KIRREL3: variants seen among roughly 807,000 people sequenced by gnomAD.
The protein encoded by KIRREL3 is kirre like nephrin family adhesion molecule 3, also known as kin of IRRE-like protein 3.
Under a neutral mutation model 89.7 loss-of-function variants are expected in KIRREL3, and 36 were observed. That is an observed-to-expected ratio of 0.40 (90% confidence interval 0.31 to 0.53). The LOEUF (loss-of-function observed/expected upper bound fraction) is 0.53, where lower values mean the gene tolerates loss of function less well. Among genes scored for constraint, KIRREL3 ranks in the 20% least tolerant of loss-of-function variants. The pLI is 0.49. For missense variants in KIRREL3, 864 were observed against 1,056.6 expected, an observed-to-expected ratio of 0.82 and a Z score of 2.53; for synonymous variants, 445 against 441.4, an observed-to-expected ratio of 1.01 and a Z score of -0.10.
Position 126,981,746 on chromosome 11 carries a change from C to G in KIRREL3, c.55+18709G>C, listed in dbSNP as rs572838641. ...TTGGTGCCTGGGGAACTGGGGAAGG[C>G]CCCCGTTTCTACCAAAGAGGGCCTC... On this transcript the variant is annotated intron_variant, in intron 1 of 16. Transcript: ENST00000525144. This position sits in a 1 kb window ranked among gnomAD's most constrained non-coding sequence, Gnocchi z 4.2. Among the ~76,000 whole-genome samples the G allele has an allele frequency of 6.6e-6, 1 of 152,090 alleles. No homozygotes were observed. The highest frequency in any genetic ancestry group is 1.5e-5 in the Non-Finnish European group (1 of 68,014).
At chr11:126,968,231 T>C (rs1168383012) in intron 1 of KIRREL3, among the ~76,000 whole-genome samples, 1 of 152,182 alleles carries the variant, frequency 6.6e-6, no homozygotes, top group Non-Finnish European at 1.5e-5. Flanking sequence ...TTTTTTTAAT[T>C]AACAGATATA....
intron 1 of KIRREL3, among the ~76,000 whole-genome samples, chr11:126,866,759 C>G (rs1247467373): frequency 6.6e-6 from 1 of 152,182 alleles, no homozygotes; most frequent in African/African-American, 2.4e-5. Flanking sequence ...AACGGCAGGA[C>G]GAGAATGACG....
intron 1 of KIRREL3, among the ~76,000 whole-genome samples, chr11:126,660,254 C>G (rs1476247652): frequency 6.6e-6 from 1 of 152,192 alleles, no homozygotes; most frequent in Non-Finnish European, 1.5e-5. Context: ...ACTCTATTTT[C>G]TGGCTTCTCT....
intron 2 of KIRREL3, among the ~76,000 whole-genome samples, chr11:126,538,625 G>T (rs1312927218): frequency 2.0e-5 from 3 of 152,128 alleles, no homozygotes; most frequent in African/African-American, 7.2e-5. Flanking sequence ...CAGGATTGGG[G>T]GTGATAGAGT....
In KIRREL3 at chr11:126,924,943, G is replaced by A. The variant is rs1008550088; in HGVS notation, c.55+75512C>T. 2.7e-5 allele frequency among the ~76,000 whole-genome samples: 4 copies of A among 150,136 alleles called. No individual in the cohort carries two copies. Among genetic ancestry groups the A allele is most frequent in the African/African-American group, 7.4e-5 (3 of 40,504 alleles). On this transcript the variant is annotated intron_variant, in intron 1 of 16. Coordinates refer to ENST00000525144, the MANE Select transcript of KIRREL3 (RefSeq NM_032531.4). This position sits in a 1 kb window ranked among gnomAD's most constrained non-coding sequence, Gnocchi z 4.7. ...TGTACATGCTTATGTGTGTGTGTGT[G>A]TGTTGCAGTGGAGGAGGTTGGGATA...
At chr11:126,731,895 ACG>A (rs1948630908) in intron 1 of KIRREL3, among the ~76,000 whole-genome samples, 2 of 152,264 alleles carry the variant, frequency 1.3e-5, no homozygotes, top group African/African-American at 4.8e-5. Flanking sequence ...TAAAAGAAAG[ACG>A]CTGGAAATAG....
chr11:126,806,927 G>A (rs952255075), intron 1 of KIRREL3, among the ~76,000 whole-genome samples: 2 of 152,014 alleles, frequency 1.3e-5, no homozygotes, highest in African/African-American at 4.8e-5. Context: ...GTGAGAACAT[G>A]TGGTGTTTGG....
chr11:126,665,167 G>T (rs951748781), intron 1 of KIRREL3, among the ~76,000 whole-genome samples: 10 of 152,142 alleles, frequency 6.6e-5, no homozygotes, highest in African/African-American at 1.7e-4. Flanking sequence ...AACAGTCCAT[G>T]TGTGGAAAAA....
rs1267057499 is a variant in KIRREL3 at position 126,551,807 on chromosome 11, G to A, written c.133+11028C>T. Among the ~76,000 whole-genome samples the A allele has an allele frequency of 2.6e-5, 4 of 152,008 alleles. No homozygotes were observed. The highest frequency in any genetic ancestry group is 1.3e-4 in the Admixed American group (2 of 15,276). ...ATTACAGGCATGCGCCACCATGCCC[G>A]ACTAATTTTTGTATTTTTAGTAGAG... On this transcript the variant is annotated intron_variant, in intron 2 of 16. Coordinates refer to ENST00000525144, the MANE Select transcript of KIRREL3 (RefSeq NM_032531.4). The surrounding 1 kb of genome is among the most constrained non-coding windows in gnomAD (Gnocchi z 4.9).
At chr11:126,658,583 C>T (rs1474657263) in intron 1 of KIRREL3, among the ~76,000 whole-genome samples, 1 of 152,152 alleles carries the variant, frequency 6.6e-6, no homozygotes, top group Non-Finnish European at 1.5e-5. Flanking sequence ...ACCTATTGAT[C>T]TTTTATACTT....
Position 126,431,805 on chromosome 11 carries a change from C to T in KIRREL3, c.1589-279G>A, listed in dbSNP as rs572981648. The stretch of plus-strand genomic sequence containing the variant: ...GGAAGGAGAGCGAGGCAGGCAGACA[C>T]GGAGAAGGGAGGGCCAGGGGACAGG... On this transcript the variant is annotated intron_variant, in intron 13 of 16. Coordinates refer to ENST00000525144, the MANE Select transcript of KIRREL3 (RefSeq NM_032531.4). The surrounding 1 kb of genome is among the most constrained non-coding windows in gnomAD (Gnocchi z 7.1). Among the ~76,000 whole-genome samples the T allele has an allele frequency of 1.6e-4, 25 of 151,782 alleles. No individual in the cohort carries two copies. The highest frequency in any genetic ancestry group is 6.8e-3 in the Middle Eastern group (2 of 294).
chr11:126,888,596 C>T (rs4936004), intron 1 of KIRREL3, among the ~76,000 whole-genome samples: 110,956 of 151,742 alleles, frequency 0.73, 41,403 homozygotes, highest in African/African-American at 0.89. Flanking sequence ...TTGCTAAGAC[C>T]CTCACGAGGC....
At position 126,904,370 on chromosome 11, in the gene KIRREL3, G is replaced by A. The variant is rs1412109516; in HGVS notation, c.55+96085C>T. On this transcript the variant is annotated intron_variant, in intron 1 of 16. Transcript: ENST00000525144. The surrounding 1 kb of genome is among the most constrained non-coding windows in gnomAD (Gnocchi z 4.4). Reference sequence around the variant, plus strand: ...ATTTTGCCATTGCTAGTTAAATTGGGTCTTGATGTTTACTGCATCTCTGAC... The same window carrying A: ...ATTTTGCCATTGCTAGTTAAATTGGATCTTGATGTTTACTGCATCTCTGAC... Among the ~76,000 whole-genome samples the A allele has an allele frequency of 6.6e-6, 1 of 152,174 alleles. No homozygotes were observed. The highest frequency in any genetic ancestry group is 1.5e-5 in the Non-Finnish European group (1 of 68,032).
intron 1 of KIRREL3, among the ~76,000 whole-genome samples, chr11:126,980,572 T>G (rs1949693537): frequency 6.6e-6 from 1 of 152,006 alleles, no homozygotes; most frequent in South Asian, 2.1e-4. Context: ...GCTATAATAG[T>G]TTTGGAGAAC....
intron 1 of KIRREL3, among the ~76,000 whole-genome samples, chr11:126,700,510 C>A (rs981089351): frequency 6.6e-5 from 10 of 152,304 alleles, no homozygotes; most frequent in South Asian, 2.1e-4. Context: ...CTTTTAATGG[C>A]AAAACTGCAA....
In KIRREL3 at chr11:126,530,008, T is replaced by C. The variant is rs943620051; in HGVS notation, c.134-3321A>G. On this transcript the variant is annotated intron_variant, in intron 2 of 16. Coordinates refer to ENST00000525144, the MANE Select transcript of KIRREL3 (RefSeq NM_032531.4). The surrounding 1 kb of genome is among the most constrained non-coding windows in gnomAD (Gnocchi z 5.8). ...CTGACAGACCTTAGGGCCTCTCCTT[T>C]GGGCTCAAGAGCCCCTCAGAGCACA... is the stretch of plus-strand genomic sequence containing the variant. 2.0e-5 allele frequency among the ~76,000 whole-genome samples: 3 copies of C among 152,040 alleles called. No homozygotes were observed. Among genetic ancestry groups the C allele is most frequent in the Non-Finnish European group, 4.4e-5 (3 of 68,008 alleles).
rs1043060318 is a variant in KIRREL3, at chr11:126,879,954, T to C, written c.55+120501A>G. Among the ~76,000 whole-genome samples, 1 of 152,188 alleles carries C rather than the reference T, an allele frequency of 6.6e-6. No individual in the cohort carries two copies. On this transcript the variant is annotated intron_variant, in intron 1 of 16. Transcript: ENST00000525144. This position sits in a 1 kb window ranked among gnomAD's most constrained non-coding sequence, Gnocchi z 5.4. The stretch of plus-strand genomic sequence containing the variant: ...GTTATTCAAGAAGGAAGCCATGGTA[T>C]GTACTGGGAAGTCTTGTGCCTATGG...
rs1790669883 is a variant in KIRREL3 at position 126,772,403 on chromosome 11, G to A, written c.56-209491C>T. Among the ~76,000 whole-genome samples the A allele has an allele frequency of 2.0e-5, 3 of 152,176 alleles. No homozygotes were observed. Among genetic ancestry groups the A allele is most frequent in the Admixed American group, 6.5e-5 (1 of 15,276 alleles). On this transcript the variant is annotated intron_variant, in intron 1 of 16. Coordinates refer to ENST00000525144, the MANE Select transcript of KIRREL3 (RefSeq NM_032531.4). This position sits in a 1 kb window ranked among gnomAD's most constrained non-coding sequence, Gnocchi z 4.6. ...GCCAGGCTCAGCGGCACCACGTGGT[G>A]CGGGGATGGCTTATAATTTGAGGGA... is the stretch of plus-strand genomic sequence containing the variant.
chr11:126,555,123 T>C lies in KIRREL3; in HGVS notation c.133+7712A>G, dbSNP rs575576251. Reference sequence around the variant, plus strand: ...TCCTGACACTGGACAAGAAGCTGGGTGCCGAGAGGGCAGGAGCTTGGACAC... The same window carrying C: ...TCCTGACACTGGACAAGAAGCTGGGCGCCGAGAGGGCAGGAGCTTGGACAC... On this transcript the variant is annotated intron_variant, in intron 2 of 16. Coordinates refer to ENST00000525144, the MANE Select transcript of KIRREL3 (RefSeq NM_032531.4). This position sits in a 1 kb window ranked among gnomAD's most constrained non-coding sequence, Gnocchi z 4.2. 1.4e-4 allele frequency among the ~76,000 whole-genome samples: 22 copies of C among 152,278 alleles called. No individual in the cohort carries two copies. Among genetic ancestry groups the C allele is most frequent in the African/African-American group, 5.3e-4 (22 of 41,544 alleles).
Sources: gnomAD v4.1 joint callset for allele counts (sites outside exome capture counted in the v4.1 genomes callset) on GRCh38, gnomAD v4.1.1 for gene constraint, Gnocchi (gnomAD v3.1) non-coding constraint, MANE v1.5 for transcripts, NCBI Gene and HGNC (gene_info 2026-07-23, HGNC 2026-07-21) for gene names.